The following OPCML variants were observed in gnomAD, a reference collection of about 807,000 sequenced individuals.
OPCML encodes the protein opioid-binding protein/cell adhesion molecule.
In OPCML, 13 loss-of-function variants were observed where a neutral mutation model predicts 37.8. The observed-to-expected ratio is 0.34, with a 90% CI of 0.22 to 0.55. The LOEUF is 0.55. OPCML is among the 20% of genes least tolerant of loss of function. OPCML has a pLI of 0.91. For synonymous variants in OPCML, 176 were observed against 168.8 expected (o/e 1.04, Z -0.33); for missense variants, 341 against 435.6 (o/e 0.78, Z 1.93).
intron 1 of OPCML, among the ~76,000 whole-genome samples, chr11:133,489,183 C>A (rs941944162): frequency 3.3e-5 from 5 of 151,808 alleles, no homozygotes; most frequent in Non-Finnish European, 5.9e-5. Flanking sequence ...AATTTATGAC[C>A]AAGTTCCCAA....
At chr11:132,841,650 A>T (rs1360916486) in intron 2 of OPCML, among the ~76,000 whole-genome samples, 2 of 151,898 alleles carry the variant, frequency 1.3e-5, no homozygotes, top group Non-Finnish European at 1.5e-5. Flanking sequence ...TTGGGAGGTC[A>T]AGGAGTTCGA....
chr11:132,925,570 A>G (rs1439468256), intron 2 of OPCML, among the ~76,000 whole-genome samples: 1 of 151,964 alleles, frequency 6.6e-6, no homozygotes, highest in African/African-American at 2.4e-5. Flanking sequence ...GGACTTATTC[A>G]AAAGTTTTAC....
intron 2 of OPCML, among the ~76,000 whole-genome samples, chr11:132,674,160 T>G (rs1942599360): frequency 6.6e-6 from 1 of 152,180 alleles, no homozygotes; most frequent in Non-Finnish European, 1.5e-5. Context: ...AAACATACAC[T>G]AACAGTCTCC....
intron 2 of OPCML, among the ~76,000 whole-genome samples, chr11:132,765,684 G>A (rs1565845719): frequency 6.6e-6 from 1 of 152,214 alleles, no homozygotes; most frequent in African/African-American, 2.4e-5. Context: ...GAGTGTGATG[G>A]TGATGGCAGG....
At chr11:133,329,702 GA>G (rs1269155303) in intron 1 of OPCML, among the ~76,000 whole-genome samples, 2 of 152,174 alleles carry the variant, frequency 1.3e-5, no homozygotes, top group Non-Finnish European at 2.9e-5. Context: ...ATGGATTAAA[GA>G]CTTAAATGTT....
At chr11:132,643,460 C>T (rs1015870106) in intron 3 of OPCML, among the ~76,000 whole-genome samples, 3 of 152,180 alleles carry the variant, frequency 2.0e-5, no homozygotes, top group African/African-American at 7.2e-5. Context: ...GGGAGGCTGG[C>T]TCTGCTCTTT....
At chr11:132,643,574 T>A (rs1390306270) in intron 3 of OPCML, among the ~76,000 whole-genome samples, 1 of 152,178 alleles carries the variant, frequency 6.6e-6, no homozygotes, top group Non-Finnish European at 1.5e-5. Flanking sequence ...CTTCCTCTGC[T>A]TCCTTTATTT....
rs1464295994 is a variant in OPCML at position 133,140,991 on chromosome 11, AGAAGAAGACGACGACGACGAC to A, written c.62-198002_62-197982del. On this transcript the variant is annotated intron_variant, in intron 1 of 7. Coordinates refer to ENST00000524381, the MANE Select transcript of OPCML (RefSeq NM_001012393.5). The stretch of plus-strand genomic sequence containing the variant: ...AAGAAGAAGAAGAAGAAGAAGAAGA[AGAAGAAGACGACGACGACGAC>A]GACGACGACGACGACGACGACGACG... Among the ~76,000 whole-genome samples, 12 of 4,300 alleles carry A rather than the reference AGAAGAAGACGACGACGACGAC, an allele frequency of 2.8e-3. 5 individuals carry two copies. The highest frequency in any genetic ancestry group is 4.9e-3 in the African/African-American group (12 of 2,450). The allele number at this position is 4,300 out of a possible 152,430, so 2.8% of individuals were successfully genotyped here. A position where few individuals can be genotyped will look rare whatever the true frequency, so the allele number is the denominator to read the frequency against.
chr11:133,001,971 A>G (rs2136849221), intron 1 of OPCML, among the ~76,000 whole-genome samples: 1 of 152,332 alleles, frequency 6.6e-6, no homozygotes, highest in Non-Finnish European at 1.5e-5. Flanking sequence ...TTAAGTGACA[A>G]GTGGCTGGAA....
intron 2 of OPCML, among the ~76,000 whole-genome samples, chr11:132,732,504 G>T (rs1427600513): frequency 2.6e-5 from 4 of 152,086 alleles, no homozygotes; most frequent in Non-Finnish European, 5.9e-5. Flanking sequence ...TGAGAGAGTG[G>T]TCTTCACTGG....
intron 2 of OPCML, among the ~76,000 whole-genome samples, chr11:132,849,292 C>T (rs903085018): frequency 1.1e-4 from 16 of 152,256 alleles, no homozygotes; most frequent in Middle Eastern, 3.4e-3. Context: ...AGATTTCATG[C>T]GATCTAGCGC....
At chr11:133,280,868 T>C (rs1050124621) in intron 1 of OPCML, among the ~76,000 whole-genome samples, 1 of 151,968 alleles carries the variant, frequency 6.6e-6, no homozygotes, top group African/African-American at 2.4e-5. Context: ...GAATGGCAAA[T>C]GGTGAGAAAG....
At chr11:133,200,956 AG>A (rs1219468073) in intron 1 of OPCML, among the ~76,000 whole-genome samples, 1 of 152,222 alleles carries the variant, frequency 6.6e-6, no homozygotes, top group African/African-American at 2.4e-5. Context: ...AGCCATAAAA[AG>A]GATGAAATTA....
chr11:133,233,607 C>T (rs911476594), intron 1 of OPCML, among the ~76,000 whole-genome samples: 1 of 152,208 alleles, frequency 6.6e-6, no homozygotes, highest in Admixed American at 6.5e-5. Context: ...TTTACTACTC[C>T]TTGTTCAAAT....
chr11:133,025,550 G>C, intron 1 of OPCML: 5 of 799,092 alleles, frequency 6.3e-6, no homozygotes, highest in Non-Finnish European at 7.6e-6. Flanking sequence ...AATTTAAAAA[G>C]AGTGGTTCGT....
chr11:133,202,153 C>A (rs1222304096), intron 1 of OPCML, among the ~76,000 whole-genome samples: 1 of 152,154 alleles, frequency 6.6e-6, no homozygotes, highest in South Asian at 2.1e-4. Flanking sequence ...AAGGAGGGGT[C>A]TCTGCCGAGG....
chr11:133,140,608 GAGA>G (rs1270816910), intron 1 of OPCML, among the ~76,000 whole-genome samples: 12 of 143,248 alleles, frequency 8.4e-5, no homozygotes, highest in African/African-American at 2.8e-4. Flanking sequence ...AAAGAAGAAA[GAGA>G]AGAAGAGGAA....
intron 1 of OPCML, among the ~76,000 whole-genome samples, chr11:133,392,532 G>T (rs1945194122): frequency 6.6e-6 from 1 of 152,188 alleles, no homozygotes; most frequent in Admixed American, 6.5e-5. Flanking sequence ...GGCACATGGG[G>T]TCACCTGTCC....
At chr11:133,159,197 G>C (rs1163329024) in intron 1 of OPCML, among the ~76,000 whole-genome samples, 3 of 152,184 alleles carry the variant, frequency 2.0e-5, no homozygotes, top group African/African-American at 7.2e-5. Context: ...AAACATGTTA[G>C]CCCATTCTCT....
Sources: allele counts gnomAD v4.1 joint callset (sites outside exome capture counted in the v4.1 genomes callset), GRCh38; gene constraint gnomAD v4.1.1; transcripts MANE v1.5; gene names NCBI Gene and HGNC (gene_info 2026-07-23, HGNC 2026-07-21).